PRKCA: variants seen among roughly 807,000 people sequenced by gnomAD.
The protein encoded by PRKCA is protein kinase C alpha type.
A neutral mutation model predicts 87.0 loss-of-function variants in PRKCA; 27 were observed. The ratio of observed to expected loss-of-function variants is 0.31; its 90% confidence interval spans 0.23 to 0.43. The LOEUF (loss-of-function observed/expected upper bound fraction) is 0.43, where lower values mean the gene tolerates loss of function less well. PRKCA is among the 20% of genes least tolerant of loss of function. The pLI, the probability that PRKCA is intolerant of heterozygous loss-of-function variation, is 1.00. For missense variants in PRKCA, 518 were observed against 852.3 expected, an observed-to-expected ratio of 0.61 and a Z score of 4.88; for synonymous variants, 329 against 311.1, an observed-to-expected ratio of 1.06 and a Z score of -0.61.
intron 3 of PRKCA, among the ~76,000 whole-genome samples, chr17:66,631,442 A>G (rs868015673): frequency 6.6e-6 from 1 of 152,092 alleles, no homozygotes; most frequent in African/African-American, 2.4e-5. Flanking sequence ...GGGTCTCACT[A>G]TGTTGCCCAG....
At chr17:66,449,154 T>G (rs1237420720) in intron 2 of PRKCA, among the ~76,000 whole-genome samples, 6 of 151,888 alleles carry the variant, frequency 4.0e-5, no homozygotes, top group Admixed American at 3.9e-4. Flanking sequence ...CTGGGTGTGG[T>G]GGCATGTGCC....
At chr17:66,619,089 T>G (rs759119) in intron 3 of PRKCA, among the ~76,000 whole-genome samples, 114,587 of 146,096 alleles carry the variant, frequency 0.78, 43,314 homozygotes, top group Middle Eastern at 0.85. Flanking sequence ...AGTCTTGGCA[T>G]TTTTTTTTCT....
chr17:66,571,699 C>A (rs754899478), intron 3 of PRKCA, among the ~76,000 whole-genome samples: 2 of 152,202 alleles, frequency 1.3e-5, no homozygotes, highest in Non-Finnish European at 2.9e-5. Context: ...GGTTTAAAAA[C>A]TTTTGTTTGA....
chr17:66,310,193 A>G, intron 2 of PRKCA, among the ~76,000 whole-genome samples: 1 of 144,416 alleles, frequency 6.9e-6, no homozygotes, highest in Non-Finnish European at 1.5e-5. Context: ...CCTAACCTCC[A>G]CTTGTTTTCT....
chr17:66,538,753 G>T (rs987912434), intron 3 of PRKCA, among the ~76,000 whole-genome samples: 10 of 152,282 alleles, frequency 6.6e-5, no homozygotes, highest in African/African-American at 2.4e-4. Flanking sequence ...GGGATTTGAG[G>T]ATAACCTTCA....
intron 8 of PRKCA, among the ~76,000 whole-genome samples, chr17:66,724,287 C>G (rs1973687385): frequency 7.2e-6 from 1 of 139,170 alleles, no homozygotes; most frequent in Non-Finnish European, 1.5e-5. Flanking sequence ...CAGAGCGAGA[C>G]TCCATCTCAA....
chr17:66,523,800 A>G (rs1453209811), intron 3 of PRKCA, among the ~76,000 whole-genome samples: 1 of 152,216 alleles, frequency 6.6e-6, no homozygotes, highest in South Asian at 2.1e-4. Context: ...CCTGGTGGAC[A>G]TGAAGAAGGC....
chr17:66,334,642 T>C (rs560993269), intron 2 of PRKCA, among the ~76,000 whole-genome samples: 20 of 152,336 alleles, frequency 1.3e-4, no homozygotes, highest in African/African-American at 4.3e-4. Flanking sequence ...ATTAGAACTC[T>C]TGTGCATTGC....
At chr17:66,670,562 C>T (rs1972151729) in intron 5 of PRKCA, among the ~76,000 whole-genome samples, 1 of 152,086 alleles carries the variant, frequency 6.6e-6, no homozygotes, top group South Asian at 2.1e-4. Context: ...AGAATTTAAA[C>T]AACATTTTAA....
intron 8 of PRKCA, among the ~76,000 whole-genome samples, chr17:66,732,407 C>T (rs8074909): frequency 0.66 from 99,875 of 152,116 alleles, 32,914 homozygotes; most frequent in East Asian, 0.71. Context: ...GAATTACAAC[C>T]AACCAGCCCT....
chr17:66,400,562 T>G (rs1035060352), intron 2 of PRKCA, among the ~76,000 whole-genome samples: 4 of 152,228 alleles, frequency 2.6e-5, no homozygotes, highest in African/African-American at 9.6e-5. Flanking sequence ...TTGGCTACTC[T>G]TGAGTAGTGT....
intron 5 of PRKCA, among the ~76,000 whole-genome samples, chr17:66,661,273 A>G (rs1971896243): frequency 1.5e-5 from 2 of 135,758 alleles, no homozygotes; most frequent in Non-Finnish European, 3.1e-5. Context: ...CCCTGGACCA[A>G]TGGACTGTGA....
intron 3 of PRKCA, among the ~76,000 whole-genome samples, chr17:66,509,780 C>T (rs879452105): frequency 1.3e-5 from 2 of 152,172 alleles, no homozygotes; most frequent in Non-Finnish European, 2.9e-5. Flanking sequence ...TAACCATTTG[C>T]CACAGGCAGA....
intron 3 of PRKCA, among the ~76,000 whole-genome samples, chr17:66,543,153 T>C (rs1181455926): frequency 6.6e-6 from 1 of 152,236 alleles, no homozygotes; most frequent in East Asian, 1.9e-4. Context: ...TGATAAATAA[T>C]CAACTTATTT....
At position 66,645,523 on chromosome 17, in the gene PRKCA, T is replaced by C; in HGVS notation, c.529+12T>C. 6.2e-7 allele frequency: 1 copy of C among 1,614,146 alleles called. No homozygotes were observed. The highest frequency in any genetic ancestry group is 1.1e-5 in the South Asian group (1 of 91,074). On this transcript the variant is annotated intron_variant, in intron 5 of 16. Coordinates refer to ENST00000413366, the MANE Select transcript of PRKCA (RefSeq NM_002737.3). Reference sequence around the variant, plus strand: ...GCTCCATGTCACAGGTAAGGCTTGCTCATCCCGGAGCAGCATCGTGGGCAG... The same window carrying C: ...GCTCCATGTCACAGGTAAGGCTTGCCCATCCCGGAGCAGCATCGTGGGCAG...
intron 2 of PRKCA, among the ~76,000 whole-genome samples, chr17:66,377,940 C>A (rs2143573294): frequency 6.6e-6 from 1 of 151,826 alleles, no homozygotes; most frequent in Non-Finnish European, 1.5e-5. Context: ...ATTGTCATTA[C>A]TGTTCATCAT....
chr17:66,649,268 AC>A (rs1334153434), intron 5 of PRKCA, among the ~76,000 whole-genome samples: 1 of 152,176 alleles, frequency 6.6e-6, no homozygotes, highest in Non-Finnish European at 1.5e-5. Context: ...GATGGGTGGC[AC>A]CCCCATGCCC....
At chr17:66,591,645 C>A (rs1400344830) in intron 3 of PRKCA, among the ~76,000 whole-genome samples, 1 of 152,100 alleles carries the variant, frequency 6.6e-6, no homozygotes, top group Non-Finnish European at 1.5e-5. Context: ...TAATTATAGG[C>A]CATGAGGATT....
chr17:66,739,750 G>A (rs1055579922), intron 11 of PRKCA, among the ~76,000 whole-genome samples: 6 of 151,620 alleles, frequency 4.0e-5, no homozygotes, highest in Admixed American at 3.9e-4. Context: ...GATGCTGTGA[G>A]ATTATTTGAG....
Sources: gnomAD v4.1 joint callset for allele counts (sites outside exome capture counted in the v4.1 genomes callset) on GRCh38, gnomAD v4.1.1 for gene constraint, MANE v1.5 for transcripts, NCBI Gene and HGNC (gene_info 2026-07-23, HGNC 2026-07-21) for gene names.